CAMK4: variants seen among roughly 807,000 people sequenced by gnomAD.
The protein encoded by CAMK4 is calcium/calmodulin dependent protein kinase IV.
Under a neutral mutation model 44.9 loss-of-function variants are expected in CAMK4, and 22 were observed. The ratio of observed to expected loss-of-function variants is 0.49; its 90% confidence interval spans 0.35 to 0.70. The LOEUF is 0.70. CAMK4 is among the 30% of genes least tolerant of loss of function. The probability of loss-of-function intolerance (pLI) is 0.01; values close to 1 mark genes in which losing one functional copy is unlikely to be tolerated. For synonymous variants in CAMK4, 218 were observed against 215.4 expected (o/e 1.01, Z -0.11); for missense variants, 498 against 586.8 (o/e 0.85, Z 1.56).
chr5:111,477,076 G>A (rs1755271471), intron 8 of CAMK4, among the ~76,000 whole-genome samples: 1 of 152,264 alleles, frequency 6.6e-6, no homozygotes, highest in East Asian at 1.9e-4. Flanking sequence ...GCAGGGCAGG[G>A]CAGGCAAGGT....
chr5:111,263,386 T>TCA, intron 1 of CAMK4, among the ~76,000 whole-genome samples: 1 of 152,238 alleles, frequency 6.6e-6, no homozygotes, highest in African/African-American at 2.4e-5. Flanking sequence ...CAGTGAAGGC[T>TCA]GTTAAGGGAC....
At chr5:111,444,350 A>G (rs1254022103) in intron 5 of CAMK4, among the ~76,000 whole-genome samples, 1 of 152,194 alleles carries the variant, frequency 6.6e-6, no homozygotes, top group Admixed American at 6.5e-5. Flanking sequence ...GGTATTTAAA[A>G]TAGAGCTTAA....
intron 5 of CAMK4, among the ~76,000 whole-genome samples, chr5:111,408,878 T>G (rs1278244524): frequency 6.6e-6 from 1 of 152,194 alleles, no homozygotes; most frequent in African/African-American, 2.4e-5. Context: ...CTTAAAGCTC[T>G]GAAATGATCT....
At chr5:111,366,139 T>C (rs1750785116) in intron 2 of CAMK4, among the ~76,000 whole-genome samples, 1 of 152,186 alleles carries the variant, frequency 6.6e-6, no homozygotes. Flanking sequence ...ATTGTGCTTG[T>C]TTCCATAAAG....
intron 1 of CAMK4, among the ~76,000 whole-genome samples, chr5:111,308,662 T>C (rs1413991302): frequency 6.6e-6 from 1 of 152,184 alleles, no homozygotes; most frequent in African/African-American, 2.4e-5. Flanking sequence ...TCAGTTTGAC[T>C]CAGATTTCAG....
At chr5:111,326,422 A>G (rs1163445310) in intron 1 of CAMK4, among the ~76,000 whole-genome samples, 2 of 151,998 alleles carry the variant, frequency 1.3e-5, no homozygotes, top group Non-Finnish European at 2.9e-5. Context: ...AAATAACCTT[A>G]TATCTGTTAA....
intron 5 of CAMK4, among the ~76,000 whole-genome samples, chr5:111,401,805 A>G (rs1752238833): frequency 6.6e-6 from 1 of 152,156 alleles, no homozygotes; most frequent in African/African-American, 2.4e-5. Context: ...CAAAATGAAG[A>G]GGTTAAAATT....
In CAMK4 at chr5:111,224,890, G is replaced by A. The variant is rs1206173910; in HGVS notation, c.161+246G>A. 6.8e-6 allele frequency among the ~76,000 whole-genome samples: 1 copy of A among 148,000 alleles called. No individual in the cohort carries two copies. The highest frequency in any genetic ancestry group is 2.0e-4 in the East Asian group (1 of 5,078). ...CTCCCTCCCACCTTCCCTCCTTCTC[G>A]CAGGCTGCCACTTCCCTTGGGTGAC... is the stretch of plus-strand genomic sequence containing the variant. On this transcript the variant is annotated intron_variant, in intron 1 of 10. Coordinates refer to ENST00000282356, the MANE Select transcript of CAMK4 (RefSeq NM_001744.6). This position sits in a 1 kb window ranked among gnomAD's most constrained non-coding sequence, Gnocchi z 5.7.
At chr5:111,353,347 G>A (rs1750193686) in intron 2 of CAMK4, among the ~76,000 whole-genome samples, 1 of 151,578 alleles carries the variant, frequency 6.6e-6, no homozygotes, top group Non-Finnish European at 1.5e-5. Context: ...AAATGGATTT[G>A]TCTGATTTCA....
intron 9 of CAMK4, chr5:111,481,891 T>G (rs1277185796): frequency 2.6e-5 from 4 of 152,180 alleles, no homozygotes; most frequent in African/African-American, 9.7e-5. Flanking sequence ...AAGAAGCAAT[T>G]ACAAAGGAAT....
chr5:111,438,447 TGTG>T (rs1296021634), intron 5 of CAMK4, among the ~76,000 whole-genome samples: 3 of 152,148 alleles, frequency 2.0e-5, no homozygotes, highest in Non-Finnish European at 2.9e-5. Flanking sequence ...GTAGCAAACA[TGTG>T]GTATTCAGGA....
chr5:111,298,519 A>G (rs1462171247), intron 1 of CAMK4, among the ~76,000 whole-genome samples: 1 of 152,100 alleles, frequency 6.6e-6, no homozygotes, highest in Admixed American at 6.5e-5. Context: ...CGTAGAGTGG[A>G]GATAGGAGTT....
At chr5:111,255,093 T>C (rs2112548906) in intron 1 of CAMK4, among the ~76,000 whole-genome samples, 1 of 152,334 alleles carries the variant, frequency 6.6e-6, no homozygotes, top group Non-Finnish European at 1.5e-5. Context: ...TATGTGGTGT[T>C]TAAACTGGGC....
chr5:111,447,287 C>A (rs1364572858), intron 6 of CAMK4, among the ~76,000 whole-genome samples: 2 of 152,126 alleles, frequency 1.3e-5, no homozygotes, highest in Non-Finnish European at 2.9e-5. Flanking sequence ...ACTGGTTTCT[C>A]AGCAGGGTAG....
intron 1 of CAMK4, among the ~76,000 whole-genome samples, chr5:111,261,576 T>TTC (rs1554055573): frequency 6.7e-6 from 1 of 148,942 alleles, no homozygotes; most frequent in African/African-American, 2.5e-5. Context: ...TTTTTTTTTT[T>TTC]CCAGGTCACC....
intron 5 of CAMK4, among the ~76,000 whole-genome samples, chr5:111,412,382 A>G (rs898957527): frequency 6.6e-6 from 1 of 152,238 alleles, no homozygotes; most frequent in Non-Finnish European, 1.5e-5. Context: ...AAAACTGAGT[A>G]AACTGATAAA....
intron 5 of CAMK4, among the ~76,000 whole-genome samples, chr5:111,407,347 T>TG (rs1554068788): frequency 7.3e-6 from 1 of 136,738 alleles, no homozygotes; most frequent in African/African-American, 2.7e-5. Context: ...AGAGACTCCT[T>TG]AAAAAAAAAA....
intron 1 of CAMK4, among the ~76,000 whole-genome samples, chr5:111,230,845 A>T (rs554565065): frequency 7.2e-4 from 109 of 152,110 alleles, no homozygotes; most frequent in African/African-American, 2.5e-3. Context: ...GGGTTTTTTA[A>T]AAACTCTTTT....
intron 1 of CAMK4, chr5:111,266,126 G>C (rs1049020780): frequency 2.0e-5 from 3 of 151,518 alleles, no homozygotes; most frequent in Non-Finnish European, 2.9e-5. Flanking sequence ...TTTCTGAGAT[G>C]ACAGCCTAGA....
Sources: allele counts gnomAD v4.1 joint callset (sites outside exome capture counted in the v4.1 genomes callset), GRCh38; gene constraint gnomAD v4.1.1; non-coding constraint Gnocchi (gnomAD v3.1); transcripts MANE v1.5; gene names NCBI Gene and HGNC (gene_info 2026-07-23, HGNC 2026-07-21).